SEPTIN9: variants seen among roughly 807,000 people sequenced by gnomAD.
SEPTIN9 encodes septin 9.
SEPTIN9 carries 13 observed loss-of-function variants against 56.6 expected under a neutral mutation model. The ratio of observed to expected loss-of-function variants is 0.23; its 90% CI spans 0.15 to 0.37. The LOEUF is 0.37. Ranked by LOEUF, SEPTIN9 falls within the 10% of genes least tolerant of loss-of-function variation. SEPTIN9 has a pLI of 1.00. For synonymous variants in SEPTIN9, 332 were observed against 334.1 expected (o/e 0.99, Z 0.07); for missense variants, 650 against 823.1 (o/e 0.79, Z 2.57).
intron 2 of SEPTIN9, among the ~76,000 whole-genome samples, chr17:77,360,778 A>T (rs1300614737): frequency 6.6e-6 from 1 of 151,792 alleles, no homozygotes; most frequent in Non-Finnish European, 1.5e-5. Context: ...GTTAGCCAGG[A>T]TGGTCTCGAT....
chr17:77,338,240 A>G (rs1179688798), intron 2 of SEPTIN9, among the ~76,000 whole-genome samples: 1 of 152,126 alleles, frequency 6.6e-6, no homozygotes, highest in East Asian at 1.9e-4. Context: ...ACTATAGTCT[A>G]TTAAAGTGTA....
chr17:77,357,218 C>A (rs998017523), intron 2 of SEPTIN9, among the ~76,000 whole-genome samples: 48 of 152,162 alleles, frequency 3.2e-4, no homozygotes, highest in Non-Finnish European at 1.5e-5. Context: ...GACACATGCG[C>A]TCATTAAATG....
intron 2 of SEPTIN9, among the ~76,000 whole-genome samples, chr17:77,340,245 G>C (rs779927446): frequency 9.3e-5 from 14 of 150,908 alleles, no homozygotes; most frequent in Non-Finnish European, 1.6e-4. Flanking sequence ...GGCTCAAGCG[G>C]TTCTCCTGCC....
intron 11 of SEPTIN9, chr17:77,497,699 G>C: frequency 2.2e-6 from 1 of 444,848 alleles, no homozygotes; most frequent in Non-Finnish European, 4.2e-6. Flanking sequence ...TGCCGGCAGC[G>C]TGGGGCGTCT....
At chr17:77,291,216 A>G (rs1432981768) in intron 1 of SEPTIN9, among the ~76,000 whole-genome samples, 2 of 150,924 alleles carry the variant, frequency 1.3e-5, no homozygotes, top group African/African-American at 2.4e-5. Flanking sequence ...TTGTATTTTT[A>G]GTAGGGACGG....
chr17:77,287,131 A>G (rs935094073), intron 1 of SEPTIN9, among the ~76,000 whole-genome samples: 1 of 152,190 alleles, frequency 6.6e-6, no homozygotes, highest in Non-Finnish European at 1.5e-5. Context: ...GCCTGACGGC[A>G]ACTGCCAGGT....
chr17:77,285,816 C>T (rs779648168), intron 1 of SEPTIN9, among the ~76,000 whole-genome samples: 2 of 152,256 alleles, frequency 1.3e-5, no homozygotes, highest in Non-Finnish European at 2.9e-5. Flanking sequence ...TGCACCCACA[C>T]AGGAAGCAGC....
At position 77,400,920 on chromosome 17, in the gene SEPTIN9, C is replaced by G. The variant is rs1357156622; in HGVS notation, c.77-1139C>G. Among the ~76,000 whole-genome samples, 2 of 152,190 alleles carry G rather than the reference C, an allele frequency of 1.3e-5. No homozygotes were observed. Among genetic ancestry groups the G allele is most frequent in the Non-Finnish European group, 2.9e-5 (2 of 68,030 alleles). ...GGCAGCTTCCCAGGTACCATCCCCA[C>G]TGCCTCCGAGGGAGCAGACCCTGGT... On this transcript the variant is annotated intron_variant, in intron 2 of 11. Coordinates refer to ENST00000427177, the MANE Select transcript of SEPTIN9 (RefSeq NM_001113491.2). This position sits in a 1 kb window ranked among gnomAD's most constrained non-coding sequence, Gnocchi z 4.1.
Position 77,471,259 on chromosome 17 carries a change from C to A in SEPTIN9, c.722-10885C>A, listed in dbSNP as rs2038983480. On this transcript the variant is annotated intron_variant, in intron 3 of 11. Coordinates refer to ENST00000427177, the MANE Select transcript of SEPTIN9 (RefSeq NM_001113491.2). ...CTCCTACTCATGGCCCAGGAATGTGCCCCTCCCTGCCTGTCCCCTACCCCC... is the reference window on the plus strand; with the variant it reads ...CTCCTACTCATGGCCCAGGAATGTGACCCTCCCTGCCTGTCCCCTACCCCC... Among the ~76,000 whole-genome samples the A allele has an allele frequency of 2.0e-5, 3 of 152,290 alleles. No homozygotes were observed. In the South Asian group the frequency reaches 6.2e-4, roughly 32 times the overall value.
intron 2 of SEPTIN9, among the ~76,000 whole-genome samples, chr17:77,344,340 G>C (rs1312483326): frequency 6.6e-6 from 1 of 152,216 alleles, no homozygotes; most frequent in African/African-American, 2.4e-5. Context: ...GTGGCTGTTA[G>C]CCAAAACATG....
chr17:77,424,599 G>C (rs1292048825), intron 3 of SEPTIN9, among the ~76,000 whole-genome samples: 1 of 152,226 alleles, frequency 6.6e-6, no homozygotes, highest in Non-Finnish European at 1.5e-5. Context: ...GTTCCTGTGA[G>C]GGCCTCGGGG....
intron 3 of SEPTIN9, among the ~76,000 whole-genome samples, chr17:77,478,423 T>G (rs1298072343): frequency 6.6e-6 from 1 of 152,148 alleles, no homozygotes; most frequent in African/African-American, 2.4e-5. Flanking sequence ...GCTAGAGATA[T>G]TTGTACACCC....
intron 1 of SEPTIN9, among the ~76,000 whole-genome samples, chr17:77,299,024 A>T (rs2031928469): frequency 6.6e-6 from 1 of 152,138 alleles, no homozygotes; most frequent in Non-Finnish European, 1.5e-5. Context: ...TCCTGATGAT[A>T]CCTACCTCCT....
At chr17:77,441,721 C>T (rs1040454488) in intron 3 of SEPTIN9, among the ~76,000 whole-genome samples, 6 of 152,212 alleles carry the variant, frequency 3.9e-5, no homozygotes, top group African/African-American at 1.2e-4. Context: ...AAAATGTTTA[C>T]TCCCCAGGGC....
chr17:77,307,337 G>A (rs1009753719), intron 2 of SEPTIN9, 140 bp downstream of exon 2: 6 of 818,282 alleles, frequency 7.3e-6, no homozygotes, highest in South Asian at 2.8e-5. Flanking sequence ...CCAGGGAGAC[G>A]CAGTCTTTGA....
At chr17:77,320,279 C>T (rs1378552438) in intron 2 of SEPTIN9, 1 of 1,611,840 alleles carries the variant, frequency 6.2e-7, no homozygotes, top group East Asian at 2.2e-5. Flanking sequence ...GAGGCCGCCT[C>T]TGAGCGGGAC....
At chr17:77,457,746 G>A (rs73375388) in intron 3 of SEPTIN9, among the ~76,000 whole-genome samples, 2,524 of 152,336 alleles carry the variant, frequency 0.017, 77 homozygotes, top group African/African-American at 0.058. Context: ...CAGTGTGCCC[G>A]TCCCCCTGGC....
At chr17:77,414,858 G>A (rs544455979) in intron 3 of SEPTIN9, among the ~76,000 whole-genome samples, 107 of 152,152 alleles carry the variant, frequency 7.0e-4, no homozygotes, top group Non-Finnish European at 1.4e-3. Flanking sequence ...AATTACAGGC[G>A]TGAGCTACTG....
chr17:77,418,490 G>A (rs1328814369), intron 3 of SEPTIN9, among the ~76,000 whole-genome samples: 8 of 152,158 alleles, frequency 5.3e-5, no homozygotes, highest in Non-Finnish European at 1.2e-4. Flanking sequence ...CTACAGGCGC[G>A]TGTCACCATG....
Sources: allele counts gnomAD v4.1 joint callset (sites outside exome capture counted in the v4.1 genomes callset), GRCh38; gene constraint gnomAD v4.1.1; non-coding constraint Gnocchi (gnomAD v3.1); transcripts MANE v1.5; gene names NCBI Gene and HGNC (gene_info 2026-07-23, HGNC 2026-07-21).